Variants in XPNPEP1 observed in about 807,000 individuals in gnomAD.
The protein encoded by XPNPEP1 is X-prolyl aminopeptidase 1.
A neutral mutation model predicts 92.4 loss-of-function variants in XPNPEP1; 39 were observed. The ratio of observed to expected loss-of-function variants is 0.42; its 90% CI spans 0.33 to 0.55. The LOEUF (loss-of-function observed/expected upper bound fraction) is 0.55. Ranked by LOEUF, XPNPEP1 falls within the 20% of genes least tolerant of loss-of-function variation. The pLI is 0.08. For synonymous variants in XPNPEP1, 307 were observed against 299.4 expected, an observed-to-expected ratio of 1.03 and a Z score of -0.26; for missense variants, 654 against 856.1, an observed-to-expected ratio of 0.76 and a Z score of 2.95.
intron 1 of XPNPEP1, 102 bp downstream of exon 1, chr10:109,923,300 C>A (rs1045100478): frequency 7.0e-5 from 88 of 1,253,170 alleles, no homozygotes; most frequent in Non-Finnish European, 8.3e-5. Context: ...GCGGGCCGGG[C>A]TCCTCACCCG....
In XPNPEP1 at chr10:109,907,600, G is replaced by A. The variant is rs1317015460; in HGVS notation, c.246+91C>T. On this transcript the variant is annotated intron_variant, in intron 3 of 20. Transcript: ENST00000502935. ...CCTGGAAGGGCTTGGTTGTGGCCCT[G>A]GTTGTGGGTTGACAATTAGAATCCT... 3 of 1,569,628 alleles carry A rather than the reference G, an allele frequency of 1.9e-6. No homozygotes were observed. The African/African-American group carries it at 4.1e-5, about 21-fold the overall frequency.
At chr10:109,911,602 GA>G (rs1849877491) in intron 2 of XPNPEP1, among the ~76,000 whole-genome samples, 3 of 152,140 alleles carry the variant, frequency 2.0e-5, no homozygotes, top group African/African-American at 7.2e-5. Context: ...CTTCAGAATA[GA>G]TTTATTGTGT....
intron 3 of XPNPEP1, among the ~76,000 whole-genome samples, chr10:109,906,000 G>T (rs957463684): frequency 1.3e-5 from 2 of 152,202 alleles, no homozygotes; most frequent in East Asian, 3.8e-4. Context: ...TTGTTCCCAG[G>T]TTAATACAGG....
chr10:109,865,366 G>T, intron 20 of XPNPEP1, 54 bp from the exon 21 acceptor site: 1 of 1,609,404 alleles, frequency 6.2e-7, no homozygotes. Flanking sequence ...TTTAACAACT[G>T]GCTACACAGG....
chr10:109,902,234 T>TCAAGCATTCAAGCAG (rs1418636251), intron 3 of XPNPEP1, among the ~76,000 whole-genome samples: 1 of 152,226 alleles, frequency 6.6e-6, no homozygotes, highest in Non-Finnish European at 1.5e-5. Context: ...TCAAGTGACA[T>TCAAGCATTCAAGCAG]CAAGCATTCA....
At chr10:109,914,797 C>CAAAA (rs35548906) in intron 2 of XPNPEP1, among the ~76,000 whole-genome samples, 14 of 97,600 alleles carry the variant, frequency 1.4e-4, no homozygotes, top group African/African-American at 3.9e-4. Flanking sequence ...GACTCCGTCT[C>CAAAA]AAAAAAAAAA....
chr10:109,873,525 T>C, intron 15 of XPNPEP1, 98 bp from the exon 16 acceptor site: 1 of 1,422,906 alleles, frequency 7.0e-7, no homozygotes, highest in Non-Finnish European at 9.9e-7. Context: ...CCCCATACAA[T>C]GCTGGTGGGC....
Position 109,882,671 on chromosome 10 carries a change from A to G in XPNPEP1, c.831-29T>C, listed in dbSNP as rs374333632. ...CAGATGGAGGAGAGGTGGGTGGCAG[A>G]AAAAGGAGGGAACATGAGTGAGAGG... On this transcript the variant is annotated intron_variant, in intron 9 of 20. Coordinates refer to ENST00000502935, the MANE Select transcript of XPNPEP1 (RefSeq NM_020383.4). 1.3e-3 allele frequency: 2,058 copies of G among 1,611,514 alleles called. 37 individuals are homozygous for G. The South Asian group carries it at 0.021, about 17-fold the overall frequency.
At chr10:109,902,633 A>G (rs546168844) in intron 3 of XPNPEP1, among the ~76,000 whole-genome samples, 1 of 152,362 alleles carries the variant, frequency 6.6e-6, no homozygotes, top group South Asian at 2.1e-4. Context: ...AGTTAAGATT[A>G]TAAAAGAAAG....
At chr10:109,889,064 G>T (rs1481033023) in intron 5 of XPNPEP1, among the ~76,000 whole-genome samples, 1 of 152,228 alleles carries the variant, frequency 6.6e-6, no homozygotes, top group Non-Finnish European at 1.5e-5. Flanking sequence ...CCCCTCATCT[G>T]CAAGGGCAGG....
chr10:109,871,132 G>T, intron 17 of XPNPEP1: 1 of 426,896 alleles, frequency 2.3e-6, no homozygotes, highest in Non-Finnish European at 4.1e-6. Flanking sequence ...GGTGAGCGGG[G>T]ATAGACACCT....
chr10:109,877,591 A>C, intron 14 of XPNPEP1, 199 bp downstream of exon 14: 1 of 653,014 alleles, frequency 1.5e-6, no homozygotes, highest in Non-Finnish European at 2.6e-6. Flanking sequence ...ACTGAGCCTA[A>C]GAAGAGGCTC....
chr10:109,873,244 G>A lies in XPNPEP1; in HGVS notation c.1452+123C>T, dbSNP rs911384431. The A allele has an allele frequency of 4.9e-5, 55 of 1,132,134 alleles. No homozygotes were observed. The South Asian group carries it at 7.3e-4, about 15-fold the overall frequency. The allele number at this position is 1,132,134 out of a possible 1,614,324, so 70.1% of individuals were successfully genotyped here. ...TAAAGCAGATAAGCCTGACTCCACAGCAAGGAGCAATTTTACTACCCCACA... is the reference window on the plus strand; with the variant it reads ...TAAAGCAGATAAGCCTGACTCCACAACAAGGAGCAATTTTACTACCCCACA... On this transcript the variant is annotated intron_variant, in intron 16 of 20. Coordinates refer to ENST00000502935, the MANE Select transcript of XPNPEP1 (RefSeq NM_020383.4).
chr10:109,910,651 C>T (rs1430153522), intron 2 of XPNPEP1, among the ~76,000 whole-genome samples: 1 of 151,938 alleles, frequency 6.6e-6, no homozygotes, highest in African/African-American at 2.4e-5. Context: ...TCTGGATGTA[C>T]CACCATTTAT....
intron 1 of XPNPEP1, among the ~76,000 whole-genome samples, chr10:109,918,569 G>T (rs1850316774): frequency 2.0e-5 from 3 of 152,082 alleles, no homozygotes; most frequent in Non-Finnish European, 4.4e-5. Flanking sequence ...AGACCATCCT[G>T]GCTAACACGG....
At chr10:109,903,496 G>A (rs564560216) in intron 3 of XPNPEP1, among the ~76,000 whole-genome samples, 14 of 152,276 alleles carry the variant, frequency 9.2e-5, no homozygotes, top group African/African-American at 3.4e-4. Flanking sequence ...CAGGGTGACT[G>A]CAATCAAATC....
At chr10:109,869,924 A>C (rs1458609603) in intron 19 of XPNPEP1, 29 bp downstream of exon 19, 1 of 1,611,842 alleles carries the variant, frequency 6.2e-7, no homozygotes, top group Non-Finnish European at 8.5e-7. Context: ...GCTAATAGAA[A>C]CAGGAAAATT....
Position 109,868,669 on chromosome 10 carries a change from G to A in XPNPEP1, c.1817C>T (p.Thr606Ile). ...NRGSLTFEPLTLVPIQTKMID... is the reference protein window; with the variant it reads ...NRGSLTFEPLILVPIQTKMID... ...CATTTTGGTCTGAATTGGAACCAAT[G>A]TTAGAGGTTCAAAGGTCAGGCTTCC... The change falls in exon 20 of 21, where the codon ACA becomes ATA. Residue 606 changes from threonine (T) to isoleucine (I), a missense_variant. By Grantham distance (89) the Thr-to-Ile change is moderately conservative (BLOSUM62 -1). Coordinates refer to ENST00000502935, the MANE Select transcript of XPNPEP1 (RefSeq NM_020383.4). 1 of 1,614,028 alleles carries A rather than the reference G, an allele frequency of 6.2e-7. No homozygotes were observed.
chr10:109,916,379 G>A (rs1189500976), intron 1 of XPNPEP1, among the ~76,000 whole-genome samples: 1 of 152,230 alleles, frequency 6.6e-6, no homozygotes, highest in Non-Finnish European at 1.5e-5. Context: ...ATCAGGGGAT[G>A]GGGAGGTAAG....
Sources: allele counts gnomAD v4.1 joint callset (sites outside exome capture counted in the v4.1 genomes callset), GRCh38; gene constraint gnomAD v4.1.1; transcripts MANE v1.5; gene names NCBI Gene and HGNC (gene_info 2026-07-23, HGNC 2026-07-21).